NUBPL: variants seen among roughly 807,000 people sequenced by gnomAD.
NUBPL encodes the protein NUBP iron-sulfur cluster assembly factor, mitochondrial, also known as iron-sulfur cluster transfer protein NUBPL.
In NUBPL, 31 loss-of-function variants were observed where a neutral mutation model predicts 45.7. The ratio of observed to expected loss-of-function variants is 0.68; its 90% confidence interval spans 0.51 to 0.92. The LOEUF is 0.92. Ranked by LOEUF, NUBPL falls within the 40% of genes least tolerant of loss-of-function variation. The pLI is 0.00. For missense variants in NUBPL, 401 were observed against 398.7 expected, an observed-to-expected ratio of 1.01 and a Z score of -0.05; for synonymous variants, 144 against 140.9, an observed-to-expected ratio of 1.02 and a Z score of -0.15.
intron 6 of NUBPL, among the ~76,000 whole-genome samples, chr14:31,769,338 A>G (rs1236559645): frequency 6.6e-6 from 1 of 152,182 alleles, no homozygotes; most frequent in Non-Finnish European, 1.5e-5. Flanking sequence ...TCAACCTTCA[A>G]GGAGTCATGA....
chr14:31,707,115 T>A (rs2115950), intron 6 of NUBPL, among the ~76,000 whole-genome samples: 85,193 of 152,102 alleles, frequency 0.56, 26,499 homozygotes, highest in African/African-American at 0.85. Flanking sequence ...TCCTGTCCTG[T>A]AGGGAGTTCC....
chr14:31,840,013 A>G (rs2040343103), intron 8 of NUBPL, among the ~76,000 whole-genome samples: 1 of 152,184 alleles, frequency 6.6e-6, no homozygotes. Flanking sequence ...GGAAATATAA[A>G]TTAATATAGC....
At chr14:31,634,274 TTCCC>T (rs1005009527) in intron 4 of NUBPL, among the ~76,000 whole-genome samples, 10 of 121,118 alleles carry the variant, frequency 8.3e-5, no homozygotes, top group African/African-American at 3.2e-4. Flanking sequence ...GAGTGTGATC[TTCCC>T]CTTCCTGTGT....
intron 7 of NUBPL, among the ~76,000 whole-genome samples, chr14:31,798,510 A>G (rs191687665): frequency 1.3e-5 from 2 of 151,948 alleles, no homozygotes; most frequent in East Asian, 3.9e-4. Context: ...TATCTTATTT[A>G]TGCCAGGTGC....
At chr14:31,709,656 A>T (rs181411601) in intron 6 of NUBPL, among the ~76,000 whole-genome samples, 4 of 152,324 alleles carry the variant, frequency 2.6e-5, no homozygotes, top group Non-Finnish European at 4.4e-5. Flanking sequence ...ACATTTATGT[A>T]CCTATCAGGA....
At chr14:31,719,786 T>C (rs2037769125) in intron 6 of NUBPL, among the ~76,000 whole-genome samples, 1 of 152,252 alleles carries the variant, frequency 6.6e-6, no homozygotes, top group African/African-American at 2.4e-5. Context: ...TATTAATTTT[T>C]TGGCATATTC....
At chr14:31,814,315 G>C (rs540279985) in intron 7 of NUBPL, among the ~76,000 whole-genome samples, 2 of 152,136 alleles carry the variant, frequency 1.3e-5, no homozygotes, top group South Asian at 4.1e-4. Context: ...TATGTTTGTT[G>C]GCTGTATAAA....
chr14:31,783,676 C>T (rs1194867959), intron 6 of NUBPL, among the ~76,000 whole-genome samples: 2 of 152,012 alleles, frequency 1.3e-5, no homozygotes, highest in African/African-American at 2.4e-5. Flanking sequence ...CACCACCAGG[C>T]CCAGCTAATT....
chr14:31,791,472 G>A (rs1160489991), intron 7 of NUBPL, among the ~76,000 whole-genome samples: 3 of 151,964 alleles, frequency 2.0e-5, no homozygotes, highest in Non-Finnish European at 4.4e-5. Context: ...GTTTTTATGA[G>A]AATTTGATGA....
chr14:31,790,611 G>T lies in NUBPL; in HGVS notation c.607+2738G>T, dbSNP rs550903605. ...TCATGCCTGTAATCCCAGCACTTTG[G>T]GAGGCTGAGGCAGGCAGATCACGAG... On this transcript the variant is annotated intron_variant, in intron 7 of 10. Transcript: ENST00000281081. 3.9e-5 allele frequency among the ~76,000 whole-genome samples: 6 copies of T among 152,204 alleles called. No homozygotes were observed. The East Asian group carries it at 1.2e-3, about 29-fold the overall frequency.
chr14:31,776,040 T>G (rs2039092737), intron 6 of NUBPL, among the ~76,000 whole-genome samples: 1 of 152,154 alleles, frequency 6.6e-6, no homozygotes, highest in Non-Finnish European at 1.5e-5. Flanking sequence ...CTCCAGAAAT[T>G]TATGGTAATT....
chr14:31,707,279 G>C (rs778068832), intron 6 of NUBPL, among the ~76,000 whole-genome samples: 2 of 152,266 alleles, frequency 1.3e-5, no homozygotes, highest in Non-Finnish European at 1.5e-5. Flanking sequence ...CAACAAGGTG[G>C]TATTGGATTG....
chr14:31,640,617 A>C (rs951527143), intron 4 of NUBPL, among the ~76,000 whole-genome samples: 1 of 148,640 alleles, frequency 6.7e-6, no homozygotes, highest in African/African-American at 2.5e-5. Context: ...TCTGTCTCAA[A>C]AAAAAAAAAA....
intron 9 of NUBPL, among the ~76,000 whole-genome samples, chr14:31,848,224 A>G (rs17464712): frequency 0.1 from 15,407 of 152,260 alleles, 948 homozygotes; most frequent in Non-Finnish European, 0.14. Flanking sequence ...ATCATTTAGA[A>G]TTCCTCGTTA....
rs7148902 is a variant in NUBPL, at chr14:31,750,477, G to A, written c.514-37303G>A. On this transcript the variant is annotated intron_variant, in intron 6 of 10. Coordinates refer to ENST00000281081, the MANE Select transcript of NUBPL (RefSeq NM_025152.3). ...CTCCCAAAGTGCTGGGATTACAAGC[G>A]TGAGCCACCGCGCCTGGCCACAATC... 1.6e-4 allele frequency among the ~76,000 whole-genome samples: 25 copies of A among 151,528 alleles called. No homozygotes were observed. The East Asian group carries it at 2.3e-3, about 14-fold the overall frequency.
At chr14:31,668,137 A>C (rs111396629) in intron 4 of NUBPL, among the ~76,000 whole-genome samples, 16 of 152,348 alleles carry the variant, frequency 1.1e-4, no homozygotes, top group African/African-American at 3.8e-4. Flanking sequence ...GGAATGTTTA[A>C]GTCAGCTGAA....
intron 6 of NUBPL, chr14:31,771,988 T>C (rs977427640): frequency 5.3e-6 from 3 of 563,280 alleles, no homozygotes; most frequent in Non-Finnish European, 6.8e-6. Flanking sequence ...CCTTAACCAC[T>C]GAACAGTGTC....
chr14:31,757,352 G>A (rs541611354), intron 6 of NUBPL, among the ~76,000 whole-genome samples: 3 of 151,502 alleles, frequency 2.0e-5, no homozygotes, highest in Admixed American at 6.6e-5. Flanking sequence ...TGGTTGGTAA[G>A]CTATTGATTA....
chr14:31,821,917 G>A (rs2040024331), intron 7 of NUBPL, among the ~76,000 whole-genome samples: 1 of 152,196 alleles, frequency 6.6e-6, no homozygotes, highest in Non-Finnish European at 1.5e-5. Context: ...ATTATGTTAA[G>A]TGAAATAAGC....
Sources: gnomAD v4.1 joint callset for allele counts (sites outside exome capture counted in the v4.1 genomes callset) on GRCh38, gnomAD v4.1.1 for gene constraint, MANE v1.5 for transcripts, NCBI Gene and HGNC (gene_info 2026-07-23, HGNC 2026-07-21) for gene names.